TRHDE: variants seen among roughly 807,000 people sequenced by gnomAD.
TRHDE encodes the protein thyrotropin releasing hormone degrading enzyme, also known as thyrotropin-releasing hormone-degrading ectoenzyme.
A neutral mutation model predicts 125.7 loss-of-function variants in TRHDE; 72 were observed. That is an observed-to-expected ratio of 0.57 (90% CI 0.47 to 0.70). TRHDE has a LOEUF of 0.70. Among genes scored for constraint, TRHDE ranks in the 30% least tolerant of loss-of-function variants. TRHDE has a pLI of 0.00. For missense variants in TRHDE, 1,110 were observed against 1,327.1 expected (o/e 0.84, Z 2.54); for synonymous variants, 509 against 509.1 (o/e 1.00, Z 0.00).
At chr12:72,314,831 T>A (rs1387639098) in intron 2 of TRHDE, among the ~76,000 whole-genome samples, 1 of 152,206 alleles carries the variant, frequency 6.6e-6, no homozygotes, top group Admixed American at 6.5e-5. Flanking sequence ...TGATTAAATG[T>A]TAGAATTAGG....
intron 5 of TRHDE, among the ~76,000 whole-genome samples, chr12:72,476,851 G>A (rs1286595435): frequency 6.6e-6 from 1 of 152,130 alleles, no homozygotes; most frequent in Non-Finnish European, 1.5e-5. Context: ...ATCTTAGGTT[G>A]TATGTATGTG....
Position 72,452,452 on chromosome 12 carries a change from C to T in TRHDE, c.1316-17306C>T, listed in dbSNP as rs569460127. ...TTATTTCTTCTCTTGCCTAATTGCT[C>T]TAGCTAGGGCTTCCAGGACTATGTT... On this transcript the variant is annotated intron_variant, in intron 3 of 18. Transcript: ENST00000261180. 2.5e-4 allele frequency among the ~76,000 whole-genome samples: 38 copies of T among 152,108 alleles called. 1 individual carries two copies. Among genetic ancestry groups the T allele is most frequent in the Non-Finnish European group, 4.7e-4 (32 of 68,016 alleles).
chr12:72,375,815 A>G (rs770733175), intron 2 of TRHDE, among the ~76,000 whole-genome samples: 11 of 152,194 alleles, frequency 7.2e-5, no homozygotes, highest in African/African-American at 1.2e-4. Flanking sequence ...TAAATTAAAA[A>G]TGCTTAGTCC....
At chr12:72,163,021 G>A (rs1252577584) in intron 2 of TRHDE, 2 of 151,578 alleles carry the variant, frequency 1.3e-5, no homozygotes, top group Non-Finnish European at 2.9e-5. Context: ...AACTGTTCTC[G>A]AAAAAGCTGT....
chr12:72,098,352 A>G (rs1413464264), intron 1 of TRHDE, among the ~76,000 whole-genome samples: 1 of 152,178 alleles, frequency 6.6e-6, no homozygotes, highest in Non-Finnish European at 1.5e-5. Flanking sequence ...ACTCTAGTAT[A>G]ATATCACAAC....
intron 15 of TRHDE, among the ~76,000 whole-genome samples, chr12:72,622,703 A>G (rs931713787): frequency 2.6e-5 from 4 of 152,094 alleles, no homozygotes; most frequent in Non-Finnish European, 1.5e-5. Flanking sequence ...TTAGGAATGA[A>G]TTGGTATTTG....
At chr12:72,394,508 T>C (rs1872718282) in intron 3 of TRHDE, among the ~76,000 whole-genome samples, 1 of 152,182 alleles carries the variant, frequency 6.6e-6, no homozygotes, top group South Asian at 2.1e-4. Context: ...TATGTGCACA[T>C]TCCTTAATCT....
At chr12:72,539,694 A>G (rs1869047915) in intron 6 of TRHDE, among the ~76,000 whole-genome samples, 1 of 152,060 alleles carries the variant, frequency 6.6e-6, no homozygotes, top group East Asian at 1.9e-4. Context: ...TTGCTAAATG[A>G]TGAATGGGTT....
rs1255811966 is a variant in TRHDE at position 72,594,539 on chromosome 12, A to G, written c.2321+18997A>G. On this transcript the variant is annotated intron_variant, in intron 12 of 18. Transcript: ENST00000261180. ...TTTTTAATATTACTAGGTATAAAGT[A>G]CAAATAAGAATTACTCATATAATCC... is the stretch of plus-strand genomic sequence containing the variant. Among the ~76,000 whole-genome samples, 3 of 150,742 alleles carry G rather than the reference A, an allele frequency of 2.0e-5. No individual in the cohort carries two copies. In the East Asian group the frequency reaches 6.0e-4, roughly 30 times the overall value.
At chr12:72,636,312 G>A (rs61933813) in intron 15 of TRHDE, among the ~76,000 whole-genome samples, 6 of 150,016 alleles carry the variant, frequency 4.0e-5, no homozygotes, top group Non-Finnish European at 3.0e-5. Flanking sequence ...TTTGTCTGTT[G>A]TTGTTGTATA....
At chr12:72,590,732 A>G (rs561368109) in intron 12 of TRHDE, among the ~76,000 whole-genome samples, 1 of 152,270 alleles carries the variant, frequency 6.6e-6, no homozygotes, top group South Asian at 2.1e-4. Context: ...ATGCATGTTT[A>G]TACAGCTTAT....
At chr12:72,235,230 T>A (rs1325362873) in intron 2 of TRHDE, among the ~76,000 whole-genome samples, 2 of 152,168 alleles carry the variant, frequency 1.3e-5, no homozygotes, top group Non-Finnish European at 2.9e-5. Flanking sequence ...GGGACACAGT[T>A]ATGGGTTAAT....
At chr12:72,638,331 G>A (rs1229076736) in intron 15 of TRHDE, among the ~76,000 whole-genome samples, 90 of 151,920 alleles carry the variant, frequency 5.9e-4, no homozygotes, top group African/African-American at 2.1e-3. Context: ...TGCAACCCCT[G>A]CCTTTTTTTG....
chr12:72,467,240 C>CA (rs1371387755), intron 3 of TRHDE, among the ~76,000 whole-genome samples: 3 of 151,858 alleles, frequency 2.0e-5, no homozygotes, highest in African/African-American at 7.3e-5. Flanking sequence ...CCACTCCCCC[C>CA]ACCCCACAAC....
At chr12:72,621,043 T>C in intron 13 of TRHDE, 65 bp from the exon 14 acceptor site, 4 of 760,970 alleles carry the variant, frequency 5.3e-6, no homozygotes, top group Non-Finnish European at 6.6e-6. Context: ...ATTACAGAAT[T>C]TTAATTGTCA....
chr12:72,146,410 TCTTA>T (rs1876228062), intron 2 of TRHDE, among the ~76,000 whole-genome samples: 1 of 152,214 alleles, frequency 6.6e-6, no homozygotes, highest in Non-Finnish European at 1.5e-5. Context: ...AATTTCCATC[TCTTA>T]CTTCTAATTA....
chr12:72,172,597 G>A (rs1438824332), intron 2 of TRHDE, among the ~76,000 whole-genome samples: 1 of 152,166 alleles, frequency 6.6e-6, no homozygotes, highest in African/African-American at 2.4e-5. Context: ...TTAGGGATGG[G>A]CACCAATATG....
At chr12:72,331,773 G>T (rs1051759203) in intron 2 of TRHDE, among the ~76,000 whole-genome samples, 1 of 152,200 alleles carries the variant, frequency 6.6e-6, no homozygotes, top group South Asian at 2.1e-4. Flanking sequence ...TGGGAAGATA[G>T]GCATGTTGAA....
chr12:72,215,999 C>G (rs1877882779), intron 2 of TRHDE, among the ~76,000 whole-genome samples: 1 of 152,156 alleles, frequency 6.6e-6, no homozygotes, highest in African/African-American at 2.4e-5. Flanking sequence ...TACATGTCAT[C>G]TCTTCTATTC....
Sources: gnomAD v4.1 joint callset for allele counts (sites outside exome capture counted in the v4.1 genomes callset) on GRCh38, gnomAD v4.1.1 for gene constraint, MANE v1.5 for transcripts, NCBI Gene and HGNC (gene_info 2026-07-23, HGNC 2026-07-21) for gene names.